Variants in ADA2 observed in about 807,000 individuals in gnomAD.
ADA2 encodes adenosine deaminase 2, also known as adenosine deaminase CECR1.
ADA2 carries 29 observed loss-of-function variants against 44.2 expected under a neutral mutation model. The observed-to-expected ratio is 0.66, with a 90% CI of 0.49 to 0.89. The LOEUF (loss-of-function observed/expected upper bound fraction) is 0.89. Ranked by LOEUF, ADA2 falls within the 40% of genes least tolerant of loss-of-function variation. ADA2 has a pLI of 0.00. For missense variants in ADA2, 637 were observed against 644.8 expected (o/e 0.99, Z 0.13); for synonymous variants, 215 against 234.9 (o/e 0.92, Z 0.77).
In ADA2 at chr22:17,188,337, A is replaced by G; in HGVS notation, c.1081+2T>C. ...GCCTCTGCTCGCATCCCGCAGGCTC[A>G]CCTGTTTCTCCGGCGTGGAAGAAGT... On this transcript the variant is annotated splice_donor_variant, in intron 7 of 9. Transcript: ENST00000399837. LOFTEE classifies it high-confidence loss of function. The G allele has an allele frequency of 6.2e-7, 1 of 1,610,898 alleles. No homozygotes were observed. Among genetic ancestry groups the G allele is most frequent in the Non-Finnish European group, 8.5e-7 (1 of 1,177,120 alleles).
intron 3 of ADA2, among the ~76,000 whole-genome samples, chr22:17,204,767 C>T (rs2062334199): frequency 6.6e-6 from 1 of 151,714 alleles, no homozygotes; most frequent in Non-Finnish European, 1.5e-5. Context: ...CTTCCAGCCT[C>T]CAGAACCATG....
intron 4 of ADA2, chr22:17,199,780 C>T: frequency 7.0e-7 from 1 of 1,429,940 alleles, no homozygotes. Flanking sequence ...TTAGTTTCGA[C>T]ATCAATAAGA....
intron 6 of ADA2, among the ~76,000 whole-genome samples, chr22:17,189,020 T>C (rs891499155): frequency 6.0e-4 from 3 of 4,988 alleles, no homozygotes; most frequent in Non-Finnish European, 2.0e-3. Flanking sequence ...ATCTAGATTC[T>C]TTTTTTTTTT....
At chr22:17,218,931 C>G (rs2062498268) in intron 1 of ADA2, among the ~76,000 whole-genome samples, 1 of 152,136 alleles carries the variant, frequency 6.6e-6, no homozygotes, top group Non-Finnish European at 1.5e-5. Context: ...CCGAGGCAGG[C>G]AGATCACCTG....
chr22:17,188,319 C>G lies in ADA2; in HGVS notation c.1081+20G>C, dbSNP rs766756743. 1.3e-6 allele frequency: 2 copies of G among 1,587,846 alleles called. No homozygotes were observed. Among genetic ancestry groups the G allele is most frequent in the Non-Finnish European group, 1.7e-6 (2 of 1,156,370 alleles). Reference sequence around the variant, plus strand: ...CCATTGACCACCTCCGCTGCCTCTGCTCGCATCCCGCAGGCTCACCTGTTT... The same window carrying G: ...CCATTGACCACCTCCGCTGCCTCTGGTCGCATCCCGCAGGCTCACCTGTTT... On this transcript the variant is annotated intron_variant, in intron 7 of 9. Coordinates refer to ENST00000399837, the MANE Select transcript of ADA2 (RefSeq NM_001282225.2).
At chr22:17,209,863 A>G in intron 1 of ADA2, 140 bp from the exon 2 acceptor site, 1 of 584,342 alleles carries the variant, frequency 1.7e-6, no homozygotes, top group Non-Finnish European at 3.0e-6. Flanking sequence ...AAAGACCTAC[A>G]GGTACAGACA....
chr22:17,213,229 C>T (rs745999986), intron 1 of ADA2, among the ~76,000 whole-genome samples: 1 of 152,154 alleles, frequency 6.6e-6, no homozygotes, highest in Non-Finnish European at 1.5e-5. Flanking sequence ...GAGCTCCTTA[C>T]ACCACTGGTG....
intron 5 of ADA2, among the ~76,000 whole-genome samples, chr22:17,190,876 G>A (rs1204606208): frequency 2.0e-5 from 3 of 152,232 alleles, no homozygotes; most frequent in African/African-American, 7.2e-5. Context: ...GCTCCTCCAG[G>A]CCCCAGGCCC....
chr22:17,193,394 C>T (rs558308473), intron 4 of ADA2: 5 of 396,596 alleles, frequency 1.3e-5, no homozygotes, highest in East Asian at 5.1e-5. Context: ...AAGGACAGCG[C>T]GGTGGCTCAC....
chr22:17,181,628 G>A (rs749743881), intron 9 of ADA2, 52 bp from the exon 10 acceptor site: 10 of 1,322,290 alleles, frequency 7.6e-6, no homozygotes, highest in African/African-American at 4.3e-5. Context: ...GTTGGGGAAC[G>A]GGGCAGGGAG....
At chr22:17,206,283 C>A (rs1167631197) in intron 3 of ADA2, among the ~76,000 whole-genome samples, 1 of 152,026 alleles carries the variant, frequency 6.6e-6, no homozygotes, top group Non-Finnish European at 1.5e-5. Flanking sequence ...ATGGTGAAAC[C>A]CTGTCTCTAC....
intron 4 of ADA2, among the ~76,000 whole-genome samples, chr22:17,202,974 C>T (rs1228784937): frequency 6.6e-6 from 1 of 151,818 alleles, no homozygotes; most frequent in East Asian, 1.9e-4. Context: ...CAGTGTTTCA[C>T]CATATTGGCC....
At chr22:17,191,891 C>T (rs2062120329) in intron 4 of ADA2, 81 bp from the exon 5 acceptor site, 2 of 1,443,896 alleles carry the variant, frequency 1.4e-6, no homozygotes, top group Non-Finnish European at 1.8e-6. Context: ...TGCCCAGCCA[C>T]CCCTGGCCAG....
At chr22:17,197,322 C>T (rs556565030) in intron 4 of ADA2, among the ~76,000 whole-genome samples, 2 of 150,418 alleles carry the variant, frequency 1.3e-5, no homozygotes, top group African/African-American at 2.4e-5. Context: ...GGCTGCAGTG[C>T]AGTGGCATGA....
chr22:17,209,653 G>A lies in ADA2; in HGVS notation c.25C>T (p.Arg9Trp), dbSNP rs753994372. 1.1e-5 allele frequency: 17 copies of A among 1,612,712 alleles called. No homozygotes were observed. The highest frequency in any genetic ancestry group is 6.7e-5 in the East Asian group (3 of 44,870). Residue 9 changes from arginine (R) to tryptophan (W), a missense_variant, in exon 2 of 10, where the codon CGG becomes TGG. By Grantham distance (101) the Arg-to-Trp change is moderately radical. Transcript: ENST00000399837. MLVDGPSE[R>W]PALCFLLLAV... ...AACAGCAAGAAGCACAGGGCTGGCC[G>A]CTCAGATGGGCCATCCACCAACATC... is the stretch of plus-strand genomic sequence containing the variant.
rs1346110392 is a variant in ADA2 at position 17,209,491 on chromosome 22, G to A, written c.187C>T (p.Leu63Phe). Residue 63 changes from leucine (L) to phenylalanine (F), a missense_variant, in exon 2 of 10, where the codon CTC becomes TTC. Coordinates refer to ENST00000399837, the MANE Select transcript of ADA2 (RefSeq NM_001282225.2). ...ATCTCAGCGATTTTGAGCGTCATGAGCCTCTCATTGGCCAGCTCCTCCTTG... is the reference window on the plus strand; with the variant it reads ...ATCTCAGCGATTTTGAGCGTCATGAACCTCTCATTGGCCAGCTCCTCCTTG... ...NTKEELANER[L>F]MTLKIAEMKE... 6.2e-7 allele frequency: 1 copy of A among 1,614,112 alleles called. No individual in the cohort carries two copies. Among genetic ancestry groups the A allele is most frequent in the South Asian group, 1.1e-5 (1 of 91,080 alleles).
chr22:17,206,772 C>G (rs894890558), intron 3 of ADA2, among the ~76,000 whole-genome samples: 3 of 152,114 alleles, frequency 2.0e-5, no homozygotes, highest in African/African-American at 7.2e-5. Context: ...GATCCTCCTG[C>G]CTCAGCCTCC....
chr22:17,184,857 A>T (rs1047145726), intron 7 of ADA2, among the ~76,000 whole-genome samples: 1 of 146,516 alleles, frequency 6.8e-6, no homozygotes. Context: ...TGAACCCAGG[A>T]GGTGGAGGCT....
intron 4 of ADA2, among the ~76,000 whole-genome samples, chr22:17,200,882 C>CAAAAAAAAAAAA (rs3078427): frequency 2.8e-4 from 33 of 119,232 alleles, no homozygotes; most frequent in African/African-American, 6.7e-4. Flanking sequence ...AACTCTGCCT[C>CAAAAAAAAAAAA]AAAAAAAAAA....
Sources: allele counts gnomAD v4.1 joint callset (sites outside exome capture counted in the v4.1 genomes callset), GRCh38; gene constraint gnomAD v4.1.1; transcripts MANE v1.5; gene names NCBI Gene and HGNC (gene_info 2026-07-23, HGNC 2026-07-21).